Variants in CCSER1 observed in about 807,000 individuals in gnomAD.
CCSER1 encodes serine-rich coiled-coil domain-containing protein 1.
CCSER1 carries 41 observed loss-of-function variants against 82.0 expected under a neutral mutation model. That is an observed-to-expected ratio of 0.50 (90% CI 0.39 to 0.65). The LOEUF (loss-of-function observed/expected upper bound fraction) is 0.65, where lower values mean the gene tolerates loss of function less well. Among genes scored for constraint, CCSER1 ranks in the 30% least tolerant of loss-of-function variants. The probability of loss-of-function intolerance (pLI) is 0.00; values close to 1 mark genes in which losing one functional copy is unlikely to be tolerated. For synonymous variants in CCSER1, 414 were observed against 383.9 expected (o/e 1.08, Z -0.92); for missense variants, 1,119 against 1,064.2 (o/e 1.05, Z -0.72).
intron 1 of CCSER1, among the ~76,000 whole-genome samples, chr4:90,207,614 T>C (rs1471045898): frequency 6.6e-6 from 1 of 152,170 alleles, no homozygotes; most frequent in Non-Finnish European, 1.5e-5. Flanking sequence ...GTGCTGGTTT[T>C]TCCTTATCTT....
intron 10 of CCSER1, among the ~76,000 whole-genome samples, chr4:91,094,033 C>G (rs565125220): frequency 7.9e-5 from 12 of 152,312 alleles, no homozygotes; most frequent in African/African-American, 2.9e-4. Context: ...AGCGTACCTG[C>G]TGTCTGCAGA....
chr4:90,398,973 G>T (rs1752418032), intron 3 of CCSER1, among the ~76,000 whole-genome samples: 1 of 152,084 alleles, frequency 6.6e-6, no homozygotes, highest in Non-Finnish European at 1.5e-5. Flanking sequence ...TTTCCGTAAT[G>T]AATACTACTT....
chr4:90,412,592 A>T (rs1472835995), intron 4 of CCSER1, among the ~76,000 whole-genome samples: 1 of 152,054 alleles, frequency 6.6e-6, no homozygotes, highest in African/African-American at 2.4e-5. Flanking sequence ...GGATGCAGGG[A>T]TGGTTTAACA....
chr4:91,485,711 C>T (rs761503898), intron 10 of CCSER1, among the ~76,000 whole-genome samples: 2 of 152,108 alleles, frequency 1.3e-5, no homozygotes, highest in Non-Finnish European at 2.9e-5. Context: ...CACTTGGACA[C>T]ATTTTCTAGT....
intron 3 of CCSER1, among the ~76,000 whole-genome samples, chr4:90,332,496 A>C (rs1002711406): frequency 6.6e-6 from 1 of 152,138 alleles, no homozygotes; most frequent in Admixed American, 6.5e-5. Context: ...TTGGCCCTCC[A>C]AAGTGCTGTA....
chr4:90,747,445 C>T (rs1488375126), intron 7 of CCSER1, among the ~76,000 whole-genome samples: 1 of 151,670 alleles, frequency 6.6e-6, no homozygotes, highest in African/African-American at 2.4e-5. Flanking sequence ...AAGATTTCTG[C>T]CTGGAGGGGA....
rs564625951 is a variant in CCSER1, at chr4:91,473,289, T to A, written c.2218-125283T>A. On this transcript the variant is annotated intron_variant, in intron 10 of 10. Coordinates refer to ENST00000509176, the MANE Select transcript of CCSER1 (RefSeq NM_001145065.2). ...ATTGTGGAAGCTTCTGAGTAGGGCA[T>A]ACAAAGGAACATAAAACCTGGTGAT... 4.6e-5 allele frequency among the ~76,000 whole-genome samples: 7 copies of A among 152,342 alleles called. No homozygotes were observed. In the East Asian group the frequency reaches 1.4e-3, roughly 29 times the overall value.
At position 90,388,658 on chromosome 4, in the gene CCSER1, G is replaced by C. The variant is rs1431302445; in HGVS notation, c.1510-11378G>C. On this transcript the variant is annotated intron_variant, in intron 3 of 10. Transcript: ENST00000509176. ...TTATGATAATTTTTTTTTTTGAGAC[G>C]AAGTCTCATTCTTGTCACCCAGGCT... is the stretch of plus-strand genomic sequence containing the variant. Among the ~76,000 whole-genome samples the C allele has an allele frequency of 2.0e-5, 3 of 146,982 alleles. No homozygotes were observed. In the East Asian group the frequency reaches 6.2e-4, roughly 30 times the overall value.
intron 8 of CCSER1, among the ~76,000 whole-genome samples, chr4:90,876,142 C>T (rs1000444883): frequency 2.0e-5 from 3 of 151,984 alleles, no homozygotes; most frequent in Non-Finnish European, 4.4e-5. Context: ...TCCCCTCTCT[C>T]CAGGAAAGTT....
rs183961934 is a variant in CCSER1, at chr4:90,234,519, A to G, written c.-41-73725A>G. Among the ~76,000 whole-genome samples the G allele has an allele frequency of 1.3e-4, 20 of 152,112 alleles. No homozygotes were observed. In the East Asian group the frequency reaches 3.5e-3, roughly 26 times the overall value. ...GGCTTGAGCGACTGCGCCTGGCCCA[A>G]CCTTTCTTATTCTTTTGAAAATGCT... On this transcript the variant is annotated intron_variant, in intron 1 of 10. Transcript: ENST00000509176.
intron 8 of CCSER1, among the ~76,000 whole-genome samples, chr4:90,912,823 G>A (rs1415686361): frequency 2.6e-5 from 4 of 152,168 alleles, no homozygotes; most frequent in Admixed American, 1.3e-4. Flanking sequence ...ACCATGTCAC[G>A]AGAACTACGT....
intron 5 of CCSER1, among the ~76,000 whole-genome samples, chr4:90,486,130 G>A (rs1370585436): frequency 1.3e-5 from 2 of 152,062 alleles, no homozygotes; most frequent in African/African-American, 4.8e-5. Flanking sequence ...ACATTCATGG[G>A]CTTTGATTCC....
At chr4:91,461,672 T>C (rs2149431682) in intron 10 of CCSER1, among the ~76,000 whole-genome samples, 1 of 152,292 alleles carries the variant, frequency 6.6e-6, no homozygotes, top group South Asian at 2.1e-4. Flanking sequence ...CAATGTAGCA[T>C]ACCTATTGGA....
At chr4:91,549,127 T>A (rs1418388525) in intron 10 of CCSER1, among the ~76,000 whole-genome samples, 1 of 152,146 alleles carries the variant, frequency 6.6e-6, no homozygotes, top group African/African-American at 2.4e-5. Flanking sequence ...GAGATTCTTT[T>A]CTTAGCCATG....
rs191351871 is a variant in CCSER1 at position 91,133,876 on chromosome 4, G to A, written c.2217+47882G>A. Among the ~76,000 whole-genome samples, 46 of 152,172 alleles carry A rather than the reference G, an allele frequency of 3.0e-4. No individual in the cohort carries two copies. The East Asian group carries it at 5.8e-3, about 19-fold the overall frequency. ...AGCCCTTTGGGAGGCCGAGGCAGGC[G>A]GATCATGAGGTCAGGAGTTCAAGAC... On this transcript the variant is annotated intron_variant, in intron 10 of 10. Transcript: ENST00000509176.
At chr4:91,084,107 A>G (rs949836705) in intron 9 of CCSER1, among the ~76,000 whole-genome samples, 2 of 151,944 alleles carry the variant, frequency 1.3e-5, no homozygotes, top group South Asian at 2.1e-4. Flanking sequence ...ATTTTTTTGT[A>G]TTTTTAGTGG....
intron 6 of CCSER1, among the ~76,000 whole-genome samples, chr4:90,712,093 A>T (rs1238933457): frequency 6.6e-6 from 1 of 151,372 alleles, no homozygotes; most frequent in Non-Finnish European, 1.5e-5. Context: ...TTTTCAAAAA[A>T]GTAGCTCTTG....
chr4:91,496,585 T>C lies in CCSER1; in HGVS notation c.2218-101987T>C, dbSNP rs1219475533. Reference sequence around the variant, plus strand: ...TCTTGTATATATATATATATATATATACACGAATATATATTTGAATATATA... The same window carrying C: ...TCTTGTATATATATATATATATATACACACGAATATATATTTGAATATATA... On this transcript the variant is annotated intron_variant, in intron 10 of 10. Coordinates refer to ENST00000509176, the MANE Select transcript of CCSER1 (RefSeq NM_001145065.2). Among the ~76,000 whole-genome samples, 3 of 38,552 alleles carry C rather than the reference T, an allele frequency of 7.8e-5. 1 individual carries two copies. The highest frequency in any genetic ancestry group is 6.4e-4 in the Admixed American group (2 of 3,114). 25.3% of individuals were successfully genotyped at this position (38,552 alleles called of 152,430 possible).
chr4:90,838,893 G>T, intron 8 of CCSER1: 2 of 1,613,064 alleles, frequency 1.2e-6, no homozygotes, highest in Non-Finnish European at 1.7e-6. Flanking sequence ...TATTGGCGGC[G>T]CACGCCTCAT....
Sources: allele counts gnomAD v4.1 joint callset (sites outside exome capture counted in the v4.1 genomes callset), GRCh38; gene constraint gnomAD v4.1.1; transcripts MANE v1.5; gene names NCBI Gene and HGNC (gene_info 2026-07-23, HGNC 2026-07-21).